Variants in UNC79 observed in about 807,000 individuals in gnomAD.
The protein encoded by UNC79 is protein unc-79 homolog.
A neutral mutation model predicts 283.1 loss-of-function variants in UNC79; 37 were observed. The ratio of observed to expected loss-of-function variants is 0.13; its 90% CI spans 0.10 to 0.17. The LOEUF (loss-of-function observed/expected upper bound fraction) is 0.17. Among genes scored for constraint, UNC79 ranks in the 10% least tolerant of loss-of-function variants. UNC79 has a pLI of 1.00. For synonymous variants in UNC79, 1,107 were observed against 1,200.2 expected, an observed-to-expected ratio of 0.92 and a Z score of 1.61; for missense variants, 2,272 against 3,211.1, an observed-to-expected ratio of 0.71 and a Z score of 7.07.
chr14:93,686,392 C>T (rs2074243084), intron 42 of UNC79, among the ~76,000 whole-genome samples, 180 bp from the exon 46 acceptor site: 2 of 152,094 alleles, frequency 1.3e-5, no homozygotes, highest in African/African-American at 4.8e-5. Context: ...CACAAACCTT[C>T]TATCAATTTT....
chr14:93,433,379 G>A (rs1401851296), intron 1 of UNC79, among the ~76,000 whole-genome samples: 4 of 152,040 alleles, frequency 2.6e-5, no homozygotes, highest in Non-Finnish European at 4.4e-5. Context: ...TGACATTTTC[G>A]TGTATGTTAT....
At chr14:93,673,827 CAG>C (rs2140663514) in intron 41 of UNC79, among the ~76,000 whole-genome samples, 1 of 152,206 alleles carries the variant, frequency 6.6e-6, no homozygotes, top group South Asian at 2.1e-4. Context: ...GGTCTGACTG[CAG>C]AGTCAAATGA....
At chr14:93,629,709 G>T (rs1040814362) in intron 30 of UNC79, among the ~76,000 whole-genome samples, 1 of 152,198 alleles carries the variant, frequency 6.6e-6, no homozygotes, top group Non-Finnish European at 1.5e-5. Flanking sequence ...TCCTTAAAGT[G>T]TATGTTTGTA....
At chr14:93,397,927 A>G (rs2055031359) in intron 1 of UNC79, among the ~76,000 whole-genome samples, 1 of 152,120 alleles carries the variant, frequency 6.6e-6, no homozygotes, top group African/African-American at 2.4e-5. Context: ...TTTTGTTCTT[A>G]ACAAGATGCA....
intron 4 of UNC79, among the ~76,000 whole-genome samples, chr14:93,486,207 T>C (rs543330941): frequency 6.6e-6 from 1 of 152,330 alleles, no homozygotes; most frequent in South Asian, 2.1e-4. Flanking sequence ...ATTCTGTTCA[T>C]GCTTGACACT....
intron 40 of UNC79, among the ~76,000 whole-genome samples, chr14:93,670,550 C>T (rs933897000): frequency 6.6e-6 from 1 of 152,224 alleles, no homozygotes; most frequent in Non-Finnish European, 1.5e-5. Flanking sequence ...ACAGAGCTTC[C>T]ATGCCTTCTC....
intron 1 of UNC79, among the ~76,000 whole-genome samples, chr14:93,459,484 T>C (rs1297646781): frequency 2.0e-5 from 3 of 152,160 alleles, no homozygotes; most frequent in Non-Finnish European, 4.4e-5. Flanking sequence ...AACAATAGAA[T>C]AGGGGAAGTG....
intron 41 of UNC79, among the ~76,000 whole-genome samples, chr14:93,676,097 C>G (rs1007053758): frequency 6.6e-6 from 1 of 152,110 alleles, no homozygotes; most frequent in Non-Finnish European, 1.5e-5. Context: ...TGCTCTGTCA[C>G]CCAGGTTGGA....
intron 1 of UNC79, among the ~76,000 whole-genome samples, chr14:93,466,468 T>C (rs994018729): frequency 1.3e-5 from 2 of 152,244 alleles, no homozygotes; most frequent in African/African-American, 2.4e-5. Context: ...GGCTCTGCCA[T>C]TGACCACCTA....
At position 93,562,151 on chromosome 14, in the gene UNC79, C is replaced by T. The variant is rs527435974; in HGVS notation, c.1756-9743C>T. ...CAATGGACACAGCTTTATTCTGGAACGGTGAACCCAGTGGGGAGGATCCTG... is the reference window on the plus strand; with the variant it reads ...CAATGGACACAGCTTTATTCTGGAATGGTGAACCCAGTGGGGAGGATCCTG... On this transcript the variant is annotated intron_variant, in intron 14 of 48. Transcript: ENST00000555664. 9.7e-4 allele frequency among the ~76,000 whole-genome samples: 148 copies of T among 152,202 alleles called. 3 individuals are homozygous for T. The South Asian group carries it at 0.029, about 30-fold the overall frequency.
At chr14:93,479,789 G>T (rs1445155190) in intron 4 of UNC79, among the ~76,000 whole-genome samples, 1 of 152,034 alleles carries the variant, frequency 6.6e-6, no homozygotes, top group Non-Finnish European at 1.5e-5. Context: ...CTACCACCAT[G>T]CCCAGCTAAT....
At chr14:93,652,779 A>G (rs1235795369) in intron 35 of UNC79, among the ~76,000 whole-genome samples, 3 of 152,164 alleles carry the variant, frequency 2.0e-5, no homozygotes, top group Non-Finnish European at 2.9e-5. Flanking sequence ...CATGACGACT[A>G]TGGGTCTGTC....
chr14:93,598,436 A>G (rs2065251355), intron 24 of UNC79, among the ~76,000 whole-genome samples: 1 of 150,554 alleles, frequency 6.6e-6, no homozygotes, highest in African/African-American at 2.5e-5. Flanking sequence ...AGGTTGGTTT[A>G]TCTTACACCA....
In UNC79 at chr14:93,621,709, AAAG is replaced by A; in HGVS notation, c.4477_4479del (p.Lys1493del). 6.2e-7 allele frequency: 1 copy of A among 1,613,696 alleles called. No individual in the cohort carries two copies. Among genetic ancestry groups the A allele is most frequent in the Non-Finnish European group, 8.5e-7 (1 of 1,179,868 alleles). On this transcript the variant is annotated inframe_deletion, in exon 30 of 49. Transcript: ENST00000555664. The surrounding 1 kb of genome is among the most constrained non-coding windows in gnomAD (Gnocchi z 4.8). ...TGAGAGAAGAAAGCATTCCGAAAAA[AAAG>A]CTACGCTCTTTCAAACAAAAATCTC...
intron 39 of UNC79, among the ~76,000 whole-genome samples, chr14:93,660,121 T>A (rs1221758453): frequency 6.6e-6 from 1 of 152,192 alleles, no homozygotes; most frequent in Non-Finnish European, 1.5e-5. Context: ...GGTACAATAG[T>A]TTGCATTGCT....
chr14:93,608,538 A>G (rs2066054383), intron 26 of UNC79, among the ~76,000 whole-genome samples: 1 of 152,216 alleles, frequency 6.6e-6, no homozygotes, highest in African/African-American at 2.4e-5. Flanking sequence ...TGCTGTGGAT[A>G]TGTGCACACA....
rs919503882 is a variant in UNC79, at chr14:93,688,153, G to A, written c.6910-512G>A. ...TGGGGATGCTGTGATGAGCAAAAGC[G>A]GACACAGTAGCTGCTCTCATTTAAT... On this transcript the variant is annotated intron_variant, in intron 43 of 48. Transcript: ENST00000555664. The surrounding 1 kb of genome is among the most constrained non-coding windows in gnomAD (Gnocchi z 4.0). Among the ~76,000 whole-genome samples, 8 of 152,162 alleles carry A rather than the reference G, an allele frequency of 5.3e-5. 1 individual carries two copies. Among genetic ancestry groups the A allele is most frequent in the African/African-American group, 9.7e-5 (4 of 41,436 alleles).
chr14:93,596,342 A>G (rs552258149), intron 23 of UNC79, among the ~76,000 whole-genome samples: 2 of 152,240 alleles, frequency 1.3e-5, no homozygotes, highest in Non-Finnish European at 2.9e-5. Flanking sequence ...GTCAATAGGA[A>G]GAATACTGTA....
intron 18 of UNC79, 139 bp downstream of exon 18, chr14:93,578,202 T>C (rs891044353): frequency 8.9e-6 from 7 of 786,134 alleles, no homozygotes; most frequent in African/African-American, 3.5e-5. Flanking sequence ...GCAAACTCCT[T>C]TGGAGATTTT....
Sources: allele counts gnomAD v4.1 joint callset (sites outside exome capture counted in the v4.1 genomes callset), GRCh38; gene constraint gnomAD v4.1.1; non-coding constraint Gnocchi (gnomAD v3.1); transcripts MANE v1.5; gene names NCBI Gene and HGNC (gene_info 2026-07-23, HGNC 2026-07-21).